Variants in FBLN5 observed in about 807,000 individuals in gnomAD.
The protein encoded by FBLN5 is fibulin 5.
FBLN5 carries 24 observed loss-of-function variants against 61.6 expected under a neutral mutation model. The observed-to-expected ratio is 0.39, with a 90% CI of 0.28 to 0.55. FBLN5 has a LOEUF of 0.55. Ranked by LOEUF, FBLN5 falls within the 20% of genes least tolerant of loss-of-function variation. The probability of loss-of-function intolerance (pLI) is 0.65; values close to 1 mark genes in which losing one functional copy is unlikely to be tolerated. For synonymous variants in FBLN5, 213 were observed against 219.8 expected (o/e 0.97, Z 0.27); for missense variants, 470 against 594.1 (o/e 0.79, Z 2.17).
At chr14:91,946,109 C>T (rs1286313697) in intron 1 of FBLN5, among the ~76,000 whole-genome samples, 2 of 152,046 alleles carry the variant, frequency 1.3e-5, no homozygotes, top group African/African-American at 2.4e-5. Flanking sequence ...AGCCCCATTC[C>T]CTTTGGCTAG....
rs2139936196 is a variant in FBLN5 at position 91,870,012 on chromosome 14, CTG to C, written c.*210_*211del. Reference sequence around the variant, plus strand: ...GAGCAATGATAATACTTTTTGATAACTGTGTCATAGGAACTGGGGGTGGCAAG... The same window carrying C: ...GAGCAATGATAATACTTTTTGATAACTGTCATAGGAACTGGGGGTGGCAAG... On this transcript the variant is annotated 3_prime_UTR_variant, in exon 11 of 11. Coordinates refer to ENST00000342058, the MANE Select transcript of FBLN5 (RefSeq NM_006329.4). The C allele has an allele frequency of 1.7e-6, 1 of 596,418 alleles. No individual in the cohort carries two copies. Among genetic ancestry groups the C allele is most frequent in the East Asian group, 2.9e-5 (1 of 34,396 alleles). 36.9% of individuals were successfully genotyped at this position (596,418 alleles called of 1,614,324 possible). A position where few individuals can be genotyped will look rare whatever the true frequency, so the allele number is the denominator to read the frequency against.
chr14:91,895,322 A>G (rs1243457509), intron 4 of FBLN5, among the ~76,000 whole-genome samples: 1 of 152,228 alleles, frequency 6.6e-6, no homozygotes, highest in African/African-American at 2.4e-5. Flanking sequence ...ATCCTCAGGA[A>G]TCCTTCTGCC....
At chr14:91,890,481 G>A (rs1459839204) in intron 6 of FBLN5, among the ~76,000 whole-genome samples, 9 of 152,198 alleles carry the variant, frequency 5.9e-5, no homozygotes, top group Admixed American at 6.5e-5. Context: ...AATTTGAGGG[G>A]GAAGTCGGGG....
chr14:91,924,900 G>A (rs1011412621), intron 4 of FBLN5, among the ~76,000 whole-genome samples: 1 of 152,106 alleles, frequency 6.6e-6, no homozygotes, highest in Non-Finnish European at 1.5e-5. Context: ...CAGCTCAGAT[G>A]CAGAAAACAG....
chr14:91,923,684 C>T (rs2055778803), intron 4 of FBLN5, among the ~76,000 whole-genome samples: 1 of 152,210 alleles, frequency 6.6e-6, no homozygotes, highest in Non-Finnish European at 1.5e-5. Context: ...TCACATCTGA[C>T]ACTGGCTCAT....
At position 91,934,406 on chromosome 14, in the gene FBLN5, G is replaced by A. The variant is rs2055978982; in HGVS notation, c.379+2541C>T. Among the ~76,000 whole-genome samples the A allele has an allele frequency of 4.6e-5, 7 of 152,132 alleles. No individual in the cohort carries two copies. The South Asian group carries it at 1.5e-3, about 32-fold the overall frequency. Reference sequence around the variant, plus strand: ...CTTCGGTTTCCTCATGGGTACAATAGGAATGATAATAGTTTTACCTTGTAG... The same window carrying A: ...CTTCGGTTTCCTCATGGGTACAATAAGAATGATAATAGTTTTACCTTGTAG... On this transcript the variant is annotated intron_variant, in intron 4 of 10. Transcript: ENST00000342058.
chr14:91,897,701 T>C (rs1393561173), intron 4 of FBLN5, among the ~76,000 whole-genome samples: 4 of 152,172 alleles, frequency 2.6e-5, no homozygotes, highest in African/African-American at 9.7e-5. Flanking sequence ...AGGCCGAAGA[T>C]CAAAATCCTT....
chr14:91,927,209 C>T (rs1181749342), intron 4 of FBLN5, among the ~76,000 whole-genome samples: 1 of 152,200 alleles, frequency 6.6e-6, no homozygotes, highest in Admixed American at 6.5e-5. Flanking sequence ...CACTCAGGCA[C>T]ACACTCTCCA....
rs35187606 is a variant in FBLN5, at chr14:91,881,626, TA to T, written c.863-209del. Among the ~76,000 whole-genome samples, 43,656 of 151,890 alleles carry T rather than the reference TA, an allele frequency of 0.29. 7,305 individuals are homozygous for T. Among genetic ancestry groups the T allele is most frequent in the East Asian group, 0.44 (2,249 of 5,160 alleles). On this transcript the variant is annotated intron_variant, in intron 8 of 10. Transcript: ENST00000342058. ...AAATACACACCAGATTTTGATGACT[TA>T]GTACCAAGAAATAATGTGAGCCAGG... is the stretch of plus-strand genomic sequence containing the variant.
intron 4 of FBLN5, among the ~76,000 whole-genome samples, chr14:91,911,223 G>A (rs1459728098): frequency 6.6e-6 from 1 of 152,158 alleles, no homozygotes; most frequent in Admixed American, 6.5e-5. Context: ...GACCTCCAGT[G>A]ATCCGCCCAC....
chr14:91,888,030 G>C (rs1290613777), intron 6 of FBLN5, among the ~76,000 whole-genome samples: 1 of 152,204 alleles, frequency 6.6e-6, no homozygotes, highest in African/African-American at 2.4e-5. Flanking sequence ...CAGGCATAGT[G>C]GCTCATGCCT....
Position 91,905,002 on chromosome 14 carries a change from A to G in FBLN5, c.380-9930T>C, listed in dbSNP as rs967231693. Among the ~76,000 whole-genome samples the G allele has an allele frequency of 2.8e-4, 42 of 152,160 alleles. 1 individual carries two copies. The highest frequency in any genetic ancestry group is 4.4e-5 in the Non-Finnish European group (3 of 68,030). ...CTTCCTGGCCTGAAAATTGACATCA[A>G]CAGGACCTCTCAGGGGATACCCAGG... is the stretch of plus-strand genomic sequence containing the variant. On this transcript the variant is annotated intron_variant, in intron 4 of 10. Transcript: ENST00000342058.
chr14:91,869,527 G>C lies in FBLN5; in HGVS notation c.*697C>G, dbSNP rs1411009067. On this transcript the variant is annotated 3_prime_UTR_variant, in exon 11 of 11. Transcript: ENST00000342058. ...AGAAAACACTGGGCTAAAATGGAGAGGAGACTGGGTTTGGGAAGACAGAAC... is the reference window on the plus strand; with the variant it reads ...AGAAAACACTGGGCTAAAATGGAGACGAGACTGGGTTTGGGAAGACAGAAC... The C allele has an allele frequency of 6.6e-6, 1 of 152,606 alleles. No homozygotes were observed. Among genetic ancestry groups the C allele is most frequent in the African/African-American group, 2.4e-5 (1 of 41,452 alleles). The allele number at this position is 152,606 out of a possible 1,614,324, so 9.5% of individuals were successfully genotyped here.
At chr14:91,919,381 G>GAAAAGAAAAGA (rs1386434150) in intron 4 of FBLN5, among the ~76,000 whole-genome samples, 19 of 127,438 alleles carry the variant, frequency 1.5e-4, no homozygotes, top group African/African-American at 4.8e-4. Flanking sequence ...GAAAAGAAAA[G>GAAAAGAAAAGA]AAAGAAAGAA....
In FBLN5 at chr14:91,910,761, G is replaced by T. The variant is rs554332571; in HGVS notation, c.380-15689C>A. 2.2e-3 allele frequency among the ~76,000 whole-genome samples: 338 copies of T among 152,150 alleles called. 1 individual carries two copies. The highest frequency in any genetic ancestry group is 7.7e-3 in the African/African-American group (318 of 41,504). ...AGAGGAATTAAAATTCAAGCATCAC[G>T]GAATCAGGGTAGAGTGCTGGGGAGA... On this transcript the variant is annotated intron_variant, in intron 4 of 10. Coordinates refer to ENST00000342058, the MANE Select transcript of FBLN5 (RefSeq NM_006329.4).
chr14:91,945,813 C>T (rs575599557), intron 1 of FBLN5, among the ~76,000 whole-genome samples: 1 of 152,354 alleles, frequency 6.6e-6, no homozygotes, highest in South Asian at 2.1e-4. Flanking sequence ...ACGCTGGAGA[C>T]AGCTCTGACC....
At chr14:91,920,240 C>T (rs1407763681) in intron 4 of FBLN5, among the ~76,000 whole-genome samples, 3 of 152,102 alleles carry the variant, frequency 2.0e-5, no homozygotes, top group Non-Finnish European at 4.4e-5. Context: ...GGTCTCCTGC[C>T]CCATATTTTC....
chr14:91,917,144 C>T (rs1271818450), intron 4 of FBLN5, among the ~76,000 whole-genome samples: 1 of 152,194 alleles, frequency 6.6e-6, no homozygotes, highest in African/African-American at 2.4e-5. Flanking sequence ...CTTGAGAGAT[C>T]CTGCCCTGAG....
chr14:91,899,361 A>C (rs539498415), intron 4 of FBLN5, among the ~76,000 whole-genome samples: 2 of 152,348 alleles, frequency 1.3e-5, no homozygotes, highest in East Asian at 3.9e-4. Context: ...CAGGTGAGGC[A>C]GTGACTATCT....
Sources: gnomAD v4.1 joint callset for allele counts (sites outside exome capture counted in the v4.1 genomes callset) on GRCh38, gnomAD v4.1.1 for gene constraint, MANE v1.5 for transcripts, NCBI Gene and HGNC (gene_info 2026-07-23, HGNC 2026-07-21) for gene names.